KRI1: variants seen among roughly 807,000 people sequenced by gnomAD.
KRI1 encodes the protein KRI1 homolog.
In KRI1, 83 loss-of-function variants were observed where a neutral mutation model predicts 97.0. The ratio of observed to expected loss-of-function variants is 0.86; its 90% CI spans 0.72 to 1.03. KRI1 has a LOEUF of 1.03. KRI1 is among the 50% of genes least tolerant of loss of function. The pLI, the probability that KRI1 is intolerant of heterozygous loss-of-function variation, is 0.00. For synonymous variants in KRI1, 371 were observed against 363.5 expected, an observed-to-expected ratio of 1.02 and a Z score of -0.23; for missense variants, 916 against 928.4, an observed-to-expected ratio of 0.99 and a Z score of 0.17.
At position 10,554,247 on chromosome 19, in the gene KRI1, G is replaced by C. The variant is rs373061070; in HGVS notation, c.1816C>G (p.Gln606Glu). Reference sequence around the variant, plus strand: ...CTCTGTGGGCCGGCTTCATCTCTCTGTGGCTTCCCTGTGGCTTCCGCAGGT... The same window carrying C: ...CTCTGTGGGCCGGCTTCATCTCTCTCTGGCTTCCCTGTGGCTTCCGCAGGT... ...ETPAEATGKP[Q>E]RDEAGPQRQL... is the part of the protein sequence containing the mutation. Residue 606 changes from glutamine (Q) to glutamate (E), a missense_variant, in exon 19 of 19, where the codon CAG becomes GAG. Around this residue, in one of 3 missense-constraint regions of KRI1, gnomAD observed 672 missense variants for 667.2 expected, o/e 1.01. Transcript: ENST00000312962. The C allele has an allele frequency of 7.6e-5, 123 of 1,613,876 alleles. No individual in the cohort carries two copies. The highest frequency in any genetic ancestry group is 9.9e-5 in the Non-Finnish European group (117 of 1,179,988).
intron 3 of KRI1, among the ~76,000 whole-genome samples, 194 bp downstream of exon 3, chr19:10,564,735 T>C (rs561627969): frequency 6.7e-6 from 1 of 148,682 alleles, no homozygotes; most frequent in African/African-American, 2.5e-5. Context: ...TCAAAACAGA[T>C]GAACTGTGTA....
chr19:10,564,881 GA>G (rs780811355), intron 3 of KRI1, 47 bp downstream of exon 3: 1 of 1,220,916 alleles, frequency 8.2e-7, no homozygotes, highest in Non-Finnish European at 1.2e-6. Flanking sequence ...AAGGACCCCG[GA>G]TTCTGCTCCA....
rs1187634065 is a variant in KRI1, at chr19:10,558,194, G to A, written c.1240C>T (p.Pro414Ser). 1.9e-6 allele frequency: 3 copies of A among 1,614,000 alleles called. No homozygotes were observed. The highest frequency in any genetic ancestry group is 1.6e-4 in the Middle Eastern group (1 of 6,062). ...AGCCCTTCTTCTTCCTCAAATTGTG[G>A]CTTCTCCTCCTCCACGGCCCCGTAG... ...EYYGAVEEEK[P>S]QFEEEEGLED... Residue 414 changes from proline (P) to serine (S), a missense_variant, in exon 13 of 19, where the codon CCA becomes TCA. By Grantham distance (74) the Pro-to-Ser change is moderately conservative. Around this residue, in one of 3 missense-constraint regions of KRI1, gnomAD observed 672 missense variants for 667.2 expected, o/e 1.01. Coordinates refer to ENST00000312962, the MANE Select transcript of KRI1 (RefSeq NM_023008.5).
At chr19:10,560,200 A>G in intron 9 of KRI1, 112 bp downstream of exon 9, 1 of 1,441,536 alleles carries the variant, frequency 6.9e-7, no homozygotes, top group Non-Finnish European at 9.1e-7. Context: ...CTCTGCCACC[A>G]TCTGTGAAAA....
rs1269406618 is a variant in KRI1, at chr19:10,553,447, G to C, written c.*504C>G. The C allele has an allele frequency of 4.7e-6, 1 of 210,894 alleles. No homozygotes were observed. The highest frequency in any genetic ancestry group is 9.5e-6 in the Non-Finnish European group (1 of 104,990). 13.1% of individuals were successfully genotyped at this position (210,894 alleles called of 1,614,324 possible). A position where few individuals can be genotyped will look rare whatever the true frequency, so the allele number is the denominator to read the frequency against. ...TGGGTGTGGCTGGGCGCAGCGTTCT[G>C]AGGGGATGTGGGGTCTGGGAGGTGT... On this transcript the variant is annotated 3_prime_UTR_variant, in exon 19 of 19. Transcript: ENST00000312962.
intron 9 of KRI1, 124 bp from the exon 10 acceptor site, chr19:10,560,060 C>T (rs756539641): frequency 2.6e-5 from 34 of 1,287,700 alleles, no homozygotes; most frequent in African/African-American, 7.4e-5. Flanking sequence ...ACAAGGTGCA[C>T]GCTGCTATTG....
intron 4 of KRI1, among the ~76,000 whole-genome samples, chr19:10,562,345 C>G (rs890601481): frequency 6.6e-6 from 1 of 151,678 alleles, no homozygotes; most frequent in Non-Finnish European, 1.5e-5. Context: ...CCACCATGCC[C>G]GGCCTTTTTT....
chr19:10,559,379 G>C lies in KRI1; in HGVS notation c.1174C>G (p.Gln392Glu), dbSNP rs767984624. The C allele has an allele frequency of 6.2e-7, 1 of 1,614,022 alleles. No homozygotes were observed. The highest frequency in any genetic ancestry group is 8.5e-7 in the Non-Finnish European group (1 of 1,179,984). ...GDLEDDFDPA[Q>E]HDQLMQKCFG... ...CGCACCTGCATGAGCTGGTCGTGCT[G>C]GGCAGGGTCGAAGTCGTCTTCAAGG... Residue 392 changes from glutamine to glutamate, a missense_variant, in exon 12 of 19, where the codon CAG (glutamine) becomes GAG (glutamate). Coordinates refer to ENST00000312962, the MANE Select transcript of KRI1 (RefSeq NM_023008.5).
Position 10,565,962 on chromosome 19 carries a change from T to A in KRI1, c.38A>T (p.Asn13Ile). The A allele has an allele frequency of 6.5e-7, 1 of 1,528,134 alleles. No homozygotes were observed. The highest frequency in any genetic ancestry group is 8.8e-7 in the Non-Finnish European group (1 of 1,140,812). 94.7% of individuals were successfully genotyped at this position (1,528,134 alleles called of 1,614,324 possible). A position where few individuals can be genotyped will look rare whatever the true frequency, so the allele number is the denominator to read the frequency against. The change falls in exon 1 of 19, where the codon AAC becomes ATC. Residue 13 changes from asparagine (N) to isoleucine (I), a missense_variant. Asn to Ile is a moderately radical substitution (Grantham distance 149). Around this residue, in one of 3 missense-constraint regions of KRI1, gnomAD observed 173 missense variants for 153.1 expected, o/e 1.13. Transcript: ENST00000312962. ...GTTGTACCGCGCGGCAAACGCCGCGTTCACCCGCAGCTGCGACGACCCGCG... is the reference window on the plus strand; with the variant it reads ...GTTGTACCGCGCGGCAAACGCCGCGATCACCCGCAGCTGCGACGACCCGCG... ...EPRGSSQLRV[N>I]AAFAARYNRY...
intron 16 of KRI1, 118 bp from the exon 17 acceptor site, chr19:10,555,467 A>G (rs1916478267): frequency 9.2e-7 from 1 of 1,088,192 alleles, no homozygotes; most frequent in Non-Finnish European, 1.4e-6. Flanking sequence ...CAGGGTTGCC[A>G]TGATGGCCAG....
Position 10,554,291 on chromosome 19 carries a change from A to G in KRI1, c.1782-10T>C. Reference sequence around the variant, plus strand: ...CGCAGGTGTCTCTGCCCTGAGGGAGAAAAGTCAGGGCTCAGCCCAGGCCTG... The same window carrying G: ...CGCAGGTGTCTCTGCCCTGAGGGAGGAAAGTCAGGGCTCAGCCCAGGCCTG... On this transcript the variant is annotated splice_polypyrimidine_tract_variant and intron_variant, in intron 18 of 18. Transcript: ENST00000312962. 1 of 1,610,624 alleles carries G rather than the reference A, an allele frequency of 6.2e-7. No homozygotes were observed. Among genetic ancestry groups the G allele is most frequent in the Non-Finnish European group, 8.5e-7 (1 of 1,177,604 alleles).
intron 4 of KRI1, 21 bp from the exon 5 acceptor site, chr19:10,561,866 C>T (rs1018358324): frequency 2.5e-6 from 4 of 1,612,056 alleles, no homozygotes; most frequent in Non-Finnish European, 3.4e-6. Context: ...AAAGTGGGGT[C>T]TTCAGAATAT....
chr19:10,566,002 CG>C lies in KRI1; in HGVS notation c.-4del. The C allele has an allele frequency of 6.6e-7, 1 of 1,517,144 alleles. No homozygotes were observed. The highest frequency in any genetic ancestry group is 8.8e-7 in the Non-Finnish European group (1 of 1,138,228). The allele number at this position is 1,517,144 out of a possible 1,614,324, so 94.0% of individuals were successfully genotyped here. On this transcript the variant is annotated 5_prime_UTR_variant, in exon 1 of 19. Coordinates refer to ENST00000312962, the MANE Select transcript of KRI1 (RefSeq NM_023008.5). ...GACGACCCGCGCGGTTCCGGCATGG[CG>C]GTTCTGTGGCCCATTGCGCACGCGC...
intron 16 of KRI1, among the ~76,000 whole-genome samples, chr19:10,556,802 C>T (rs1486652956): frequency 6.6e-6 from 1 of 151,396 alleles, no homozygotes; most frequent in Non-Finnish European, 1.5e-5. Flanking sequence ...GACCAGCCTG[C>T]ACAACACAGT....
In KRI1 at chr19:10,555,319, G is replaced by A. The variant is rs200050484; in HGVS notation, c.1648C>T (p.Arg550Trp). The A allele has an allele frequency of 3.6e-5, 58 of 1,614,152 alleles. No homozygotes were observed. Among genetic ancestry groups the A allele is most frequent in the Middle Eastern group, 3.3e-4 (2 of 6,044 alleles). The change falls in exon 17 of 19, where the codon CGG becomes TGG. Residue 550 changes from arginine (R) to tryptophan (W), a missense_variant. Around this residue, in one of 3 missense-constraint regions of KRI1, gnomAD observed 672 missense variants for 667.2 expected, o/e 1.01. Transcript: ENST00000312962. ...CAGGTCTTCTTTAGGGAGCACCACC[G>A]GTTCAGCTCCTTATCGTCAGCAGCG... is the stretch of plus-strand genomic sequence containing the variant. ...ILAADDKELN[R>W]WCSLKKTCMY...
chr19:10,564,873 G>C, intron 3 of KRI1, 56 bp downstream of exon 3: 1 of 1,112,934 alleles, frequency 9.0e-7, no homozygotes, highest in South Asian at 1.2e-5. Flanking sequence ...AGTCAGGAAA[G>C]GACCCCGGAT....
At position 10,559,841 on chromosome 19, in the gene KRI1, T is replaced by C. The variant is rs377672356; in HGVS notation, c.896A>G (p.Asn299Ser). Residue 299 changes from asparagine to serine, a missense_variant, in exon 10 of 19, where the codon AAT (asparagine) becomes AGT (serine). By Grantham distance (46) the Asn-to-Ser change is conservative. Transcript: ENST00000312962. Reference protein sequence around the residue: ...KKQEDFEQKYNFRFEEPDSAS... With the variant: ...KKQEDFEQKYSFRFEEPDSAS... ...TGAGTCCGGCTCCTCGAAACGGAAATTGTACTTCTGTTCAAAGTCCTCCTG... is the reference window on the plus strand; with the variant it reads ...TGAGTCCGGCTCCTCGAAACGGAAACTGTACTTCTGTTCAAAGTCCTCCTG... 1.5e-5 allele frequency: 25 copies of C among 1,613,872 alleles called. No homozygotes were observed. The highest frequency in any genetic ancestry group is 1.5e-4 in the African/African-American group (11 of 75,030).
Position 10,565,700 on chromosome 19 carries a change from G to A in KRI1, c.168+17C>T, listed in dbSNP as rs1916846452. Reference sequence around the variant, plus strand: ...TTGGACGCCTCCGCACGTCCAGGACGGGGCGGGGACGCGCACCACGCGCTC... The same window carrying A: ...TTGGACGCCTCCGCACGTCCAGGACAGGGCGGGGACGCGCACCACGCGCTC... On this transcript the variant is annotated intron_variant, in intron 2 of 18. Transcript: ENST00000312962. 4 of 1,558,392 alleles carry A rather than the reference G, an allele frequency of 2.6e-6. No homozygotes were observed. Among genetic ancestry groups the A allele is most frequent in the South Asian group, 2.3e-5 (2 of 85,454 alleles).
chr19:10,555,019 C>G (rs10413128), intron 18 of KRI1, 68 bp downstream of exon 18: 6 of 1,314,306 alleles, frequency 4.6e-6, no homozygotes, highest in Middle Eastern at 2.4e-4. Context: ...AAGAGGTTGA[C>G]GGAGCCAAGA....
Sources: allele counts gnomAD v4.1 joint callset (sites outside exome capture counted in the v4.1 genomes callset), GRCh38; gene constraint gnomAD v4.1.1; regional missense constraint gnomAD v4.1.1; transcripts MANE v1.5; gene names NCBI Gene and HGNC (gene_info 2026-07-23, HGNC 2026-07-21).